The following NHS variants were observed in gnomAD, a reference collection of about 807,000 sequenced individuals.
The protein encoded by NHS is actin remodeling regulator NHS.
NHS carries 5 observed loss-of-function variants against 72.5 expected under a neutral mutation model. The observed-to-expected ratio is 0.07, with a 90% CI of 0.04 to 0.14. NHS has a LOEUF of 0.14. Ranked by LOEUF, NHS falls within the 10% of genes least tolerant of loss-of-function variation. The pLI, the probability that NHS is intolerant of heterozygous loss-of-function variation, is 1.00. For synonymous variants in NHS, 464 were observed against 547.7 expected (o/e 0.85, Z 2.13); for missense variants, 1,072 against 1,355.7 (o/e 0.79, Z 3.29).
chrX:17,657,045 C>A (rs1428231025), intron 1 of NHS, among the ~76,000 whole-genome samples: 5 of 112,818 alleles, frequency 4.4e-5, no homozygotes. Flanking sequence ...TGGAGCTTTT[C>A]CTTTTGTGGC....
chrX:17,615,180 T>TACAC (rs1248004878), intron 1 of NHS, among the ~76,000 whole-genome samples: 6 of 40,257 alleles, frequency 1.5e-4, no homozygotes, highest in East Asian at 3.6e-3. Flanking sequence ...TACGTATATA[T>TACAC]ATAGTATATA....
chrX:17,512,909 T>G (rs2065097473), intron 1 of NHS, among the ~76,000 whole-genome samples: 1 of 111,716 alleles, frequency 9.0e-6, no homozygotes, highest in Non-Finnish European at 1.9e-5. Flanking sequence ...CCCAAGTAAG[T>G]TCAGTAGAGA....
In NHS at chrX:17,481,867, A is replaced by T. The variant is rs377758432; in HGVS notation, c.565+105545A>T. Among the ~76,000 whole-genome samples, 13 of 112,320 alleles carry T rather than the reference A, an allele frequency of 1.2e-4. No individual in the cohort carries two copies. In the East Asian group the frequency reaches 2.8e-3, roughly 24 times the overall value. On this transcript the variant is annotated intron_variant, in intron 1 of 8. Coordinates refer to ENST00000676302, the MANE Select transcript of NHS (RefSeq NM_001291867.2). ...TTTTTCTTGTTCTTAAACTTCATGT[A>T]AATAGAATCATATAGAATACAGTTT...
chrX:17,585,558 G>A (rs1464297860), intron 1 of NHS, among the ~76,000 whole-genome samples: 1 of 110,187 alleles, frequency 9.1e-6, no homozygotes, highest in Non-Finnish European at 1.9e-5. Context: ...TTTCTTCATG[G>A]TTGCTCTCTT....
At chrX:17,575,051 T>G (rs1233122411) in intron 1 of NHS, among the ~76,000 whole-genome samples, 1 of 112,353 alleles carries the variant, frequency 8.9e-6, no homozygotes, top group Admixed American at 9.4e-5. Flanking sequence ...TCTTCATCTC[T>G]GGCACCACTG....
chrX:17,389,942 T>A (rs1020269113), intron 1 of NHS, among the ~76,000 whole-genome samples: 19 of 106,428 alleles, frequency 1.8e-4, no homozygotes, highest in Admixed American at 4.0e-4. Context: ...ATAACATTTT[T>A]AAAAAAAATG....
intron 1 of NHS, among the ~76,000 whole-genome samples, chrX:17,450,871 C>T (rs1023099951): frequency 9.0e-6 from 1 of 110,850 alleles, no homozygotes; most frequent in Non-Finnish European, 1.9e-5. Context: ...AGAGAAACTC[C>T]GTCTAAAAAA....
chrX:17,582,433 C>T (rs1248337666), intron 1 of NHS, among the ~76,000 whole-genome samples: 1 of 112,128 alleles, frequency 8.9e-6, no homozygotes, highest in South Asian at 3.7e-4. Context: ...GGTTGTGTAG[C>T]AGGGTTTTCT....
intron 1 of NHS, among the ~76,000 whole-genome samples, chrX:17,620,336 C>T (rs751154439): frequency 8.9e-6 from 1 of 111,792 alleles, no homozygotes; most frequent in Non-Finnish European, 1.9e-5. Flanking sequence ...TTAACAAAAA[C>T]GTTTTAGAGC....
At chrX:17,555,449 G>T (rs1177760058) in intron 1 of NHS, among the ~76,000 whole-genome samples, 4 of 110,449 alleles carry the variant, frequency 3.6e-5, no homozygotes, top group Non-Finnish European at 7.6e-5. Flanking sequence ...CAGGGATTCA[G>T]ATTCCATAGG....
At chrX:17,462,085 A>G (rs1281964722) in intron 1 of NHS, among the ~76,000 whole-genome samples, 7 of 111,491 alleles carry the variant, frequency 6.3e-5, no homozygotes, top group Non-Finnish European at 1.1e-4. Flanking sequence ...GCAATGTTAT[A>G]TTGCAAGGAT....
intron 1 of NHS, among the ~76,000 whole-genome samples, chrX:17,413,362 T>C (rs2146860432): frequency 8.9e-6 from 1 of 112,182 alleles, no homozygotes; most frequent in African/African-American, 3.2e-5. Flanking sequence ...ATCATATGGG[T>C]TGCTTAATTA....
chrX:17,597,468 A>G (rs2065630588), intron 1 of NHS, among the ~76,000 whole-genome samples: 2 of 104,143 alleles, frequency 1.9e-5, no homozygotes, highest in African/African-American at 3.5e-5. Flanking sequence ...AAAAACTGGC[A>G]GGGGTAGGGA....
At chrX:17,508,829 A>G (rs763997545) in intron 1 of NHS, among the ~76,000 whole-genome samples, 3 of 112,158 alleles carry the variant, frequency 2.7e-5, no homozygotes, top group East Asian at 2.8e-4. Flanking sequence ...CCTTTTGGCT[A>G]TTGTGAATAG....
intron 1 of NHS, among the ~76,000 whole-genome samples, chrX:17,387,849 G>A (rs1368743536): frequency 1.8e-5 from 2 of 113,218 alleles, no homozygotes; most frequent in Non-Finnish European, 3.7e-5. Flanking sequence ...GTCAAGGTGT[G>A]CAGGCACTGA....
Position 17,727,310 on chromosome X carries a change from A to G in NHS, c.3204A>G (p.Leu1068=), listed in dbSNP as rs56691712. The G allele has an allele frequency of 5.5e-3, 6,663 of 1,210,009 alleles. 198 individuals carry two copies. In the African/African-American group the frequency reaches 0.092, roughly 17 times the overall value. Residue 1068 remains leucine, a synonymous_variant, in exon 7 of 9, where the codon TTA becomes TTG. Transcript: ENST00000676302. ...ERKSSLQQPS[L]KDGTISLSKD... is the part of the protein sequence containing the mutation. ...AATCCTCACTACAGCAACCCTCTTT[A>G]AAAGATGGAACTATATCACTGAGTA...
intron 3 of NHS, among the ~76,000 whole-genome samples, chrX:17,714,153 T>G (rs1302329485): frequency 1.8e-5 from 2 of 110,521 alleles, no homozygotes; most frequent in Non-Finnish European, 3.8e-5. Flanking sequence ...ATTACTCTTT[T>G]TTTTTTTTTT....
chrX:17,654,137 T>C (rs1170880091), intron 1 of NHS, among the ~76,000 whole-genome samples: 1 of 111,762 alleles, frequency 8.9e-6, no homozygotes, highest in Non-Finnish European at 1.9e-5. Context: ...CACCCAGCCT[T>C]CTTAAAACTC....
intron 1 of NHS, among the ~76,000 whole-genome samples, chrX:17,547,003 G>T (rs2065296956): frequency 8.9e-6 from 1 of 112,014 alleles, no homozygotes; most frequent in Admixed American, 9.4e-5. Flanking sequence ...CCTCTTGGAG[G>T]CCTCTGCTTT....
Sources: gnomAD v4.1 joint callset for allele counts (sites outside exome capture counted in the v4.1 genomes callset) on GRCh38, gnomAD v4.1.1 for gene constraint, MANE v1.5 for transcripts, NCBI Gene and HGNC (gene_info 2026-07-23, HGNC 2026-07-21) for gene names.